Variants in RIPOR1 observed in about 807,000 individuals in gnomAD.
The protein encoded by RIPOR1 is RHO family interacting cell polarization regulator 1, also known as rho family-interacting cell polarization regulator 1.
RIPOR1 carries 58 observed loss-of-function variants against 116.5 expected under a neutral mutation model. The observed-to-expected ratio is 0.50, with a 90% CI of 0.40 to 0.62. The LOEUF (loss-of-function observed/expected upper bound fraction) is 0.62. Among genes scored for constraint, RIPOR1 ranks in the 20% least tolerant of loss-of-function variants. The pLI, the probability that RIPOR1 is intolerant of heterozygous loss-of-function variation, is 0.00. For synonymous variants in RIPOR1, 605 were observed against 650.0 expected (o/e 0.93, Z 1.05); for missense variants, 1,372 against 1,586.2 (o/e 0.86, Z 2.29).
Position 67,531,210 on chromosome 16 carries a change from T to C in RIPOR1, c.-24+2296T>C, listed in dbSNP as rs2050651968. On this transcript the variant is annotated intron_variant, in intron 1 of 21. Coordinates refer to ENST00000042381, the MANE Select transcript of RIPOR1 (RefSeq NM_024519.4). This position sits in a 1 kb window ranked among gnomAD's most constrained non-coding sequence, Gnocchi z 4.2. Reference sequence around the variant, plus strand: ...AGCCAGTGGGAAGGGAGAGGGAGGATTGCATGTCGGGTAGGGGAGTTGGGG... The same window carrying C: ...AGCCAGTGGGAAGGGAGAGGGAGGACTGCATGTCGGGTAGGGGAGTTGGGG... Among the ~76,000 whole-genome samples the C allele has an allele frequency of 6.6e-6, 1 of 151,736 alleles. No individual in the cohort carries two copies. Among genetic ancestry groups the C allele is most frequent in the South Asian group, 2.1e-4 (1 of 4,814 alleles).
In RIPOR1 at chr16:67,528,851, C is replaced by T; in HGVS notation, c.-87C>T. On this transcript the variant is annotated 5_prime_UTR_variant, in exon 1 of 22. Transcript: ENST00000042381. ...GGCGGCGACAGCGGCAGCTGCGGCGCGACCAGGCCGGGCACCTCCGAGCGC... is the reference window on the plus strand; with the variant it reads ...GGCGGCGACAGCGGCAGCTGCGGCGTGACCAGGCCGGGCACCTCCGAGCGC... 6.2e-6 allele frequency: 1 copy of T among 161,816 alleles called. No individual in the cohort carries two copies. Among genetic ancestry groups the T allele is most frequent in the Non-Finnish European group, 1.3e-5 (1 of 74,490 alleles). The allele number at this position is 161,816 out of a possible 1,614,324, so 10.0% of individuals were successfully genotyped here.
At chr16:67,526,993 C>T (rs2050545175), upstream of RIPOR1, among the ~76,000 whole-genome samples, 1 of 152,164 alleles carries the variant, frequency 6.6e-6, no homozygotes, top group South Asian at 2.1e-4. Flanking sequence ...CAGGAGAGGG[C>T]TCTGGGCACA....
chr16:67,545,006 T>A lies in RIPOR1; in HGVS notation c.2920T>A (p.Cys974Ser). Residue 974 changes from cysteine to serine, a missense_variant, in exon 17 of 22, where the codon TGC (cysteine) becomes AGC (serine). Cys to Ser is a moderately radical substitution (Grantham distance 112, BLOSUM62 -1). Coordinates refer to ENST00000042381, the MANE Select transcript of RIPOR1 (RefSeq NM_024519.4). The surrounding 1 kb of genome is among the most constrained non-coding windows in gnomAD (Gnocchi z 4.8). The part of the protein sequence containing the change: ...RPGFLTFWDQ[C>S]TERLSCFLCP... Reference sequence around the variant, plus strand: ...TGGCTTCCTGACCTTCTGGGACCAGTGCACAGAGAGACTCAGCTGCTTCCT... The same window carrying A: ...TGGCTTCCTGACCTTCTGGGACCAGAGCACAGAGAGACTCAGCTGCTTCCT... 6.2e-7 allele frequency: 1 copy of A among 1,613,588 alleles called. No homozygotes were observed. The highest frequency in any genetic ancestry group is 8.5e-7 in the Non-Finnish European group (1 of 1,180,020).
Position 67,545,522 on chromosome 16 carries a change from A to T in RIPOR1, c.3178A>T (p.Thr1060Ser). Reference sequence around the variant, plus strand: ...CACCATGGAGGCCTACGTGACTGAGACCGCTGAGGAGGGTGAGGCGGTGGC... The same window carrying T: ...CACCATGGAGGCCTACGTGACTGAGTCCGCTGAGGAGGGTGAGGCGGTGGC... ...SPTMEAYVTETAEEVLLVRNL... is the reference protein window; with the variant it reads ...SPTMEAYVTESAEEVLLVRNL... The change falls in exon 18 of 22, where the codon ACC becomes TCC. Residue 1060 changes from threonine to serine, a missense_variant. Coordinates refer to ENST00000042381, the MANE Select transcript of RIPOR1 (RefSeq NM_024519.4). This position sits in a 1 kb window ranked among gnomAD's most constrained non-coding sequence, Gnocchi z 4.8. 1 of 1,614,002 alleles carries T rather than the reference A, an allele frequency of 6.2e-7. No homozygotes were observed. Among genetic ancestry groups the T allele is most frequent in the East Asian group, 2.2e-5 (1 of 44,870 alleles).
At position 67,541,710 on chromosome 16, in the gene RIPOR1, A is replaced by G. The variant is rs1176143833; in HGVS notation, c.1008A>G (p.Thr336=). The G allele has an allele frequency of 6.2e-7, 1 of 1,613,834 alleles. No individual in the cohort carries two copies. The highest frequency in any genetic ancestry group is 8.5e-7 in the Non-Finnish European group (1 of 1,179,948). Reference sequence around the variant, plus strand: ...CTTCTTCTGTCAACAAGGCCTCCACAGTCACCAAGCGCTTCTCCACCTATA... The same window carrying G: ...CTTCTTCTGTCAACAAGGCCTCCACGGTCACCAAGCGCTTCTCCACCTATA... ...SAASSVNKAS[T]VTKRFSTYSQ... Residue 336 remains threonine (T), a synonymous_variant, in exon 12 of 22, where the codon ACA becomes ACG. Coordinates refer to ENST00000042381, the MANE Select transcript of RIPOR1 (RefSeq NM_024519.4). The surrounding 1 kb of genome is among the most constrained non-coding windows in gnomAD (Gnocchi z 4.6).
rs1353937893 is a variant in RIPOR1, at chr16:67,538,527, C to T, written c.81C>T (p.Leu27=). The change falls in exon 2 of 22, where the codon CTC becomes CTT. Residue 27 remains leucine, a synonymous_variant. Coordinates refer to ENST00000042381, the MANE Select transcript of RIPOR1 (RefSeq NM_024519.4). ...VNRSQSFAGV[L]GSHERGPRSF... is the part of the protein sequence containing the mutation. ...GGAGCCAGTCCTTCGCAGGCGTCCTCGGCAGCCACGAGCGGGGGCCCAGGT... is the reference window on the plus strand; with the variant it reads ...GGAGCCAGTCCTTCGCAGGCGTCCTTGGCAGCCACGAGCGGGGGCCCAGGT... 1 of 1,611,958 alleles carries T rather than the reference C, an allele frequency of 6.2e-7. No individual in the cohort carries two copies.
chr16:67,544,492 C>T lies in RIPOR1; in HGVS notation c.2733+61C>T. ...AACCCCTAACCCCAGGGAGTCCTGC[C>T]CTTCCATCCTGGTCCTCTATACCTC... On this transcript the variant is annotated intron_variant, in intron 15 of 21. Transcript: ENST00000042381. This position sits in a 1 kb window ranked among gnomAD's most constrained non-coding sequence, Gnocchi z 5.1. 1 of 1,565,332 alleles carries T rather than the reference C, an allele frequency of 6.4e-7. No homozygotes were observed. Among genetic ancestry groups the T allele is most frequent in the Middle Eastern group, 1.7e-4 (1 of 5,792 alleles).
rs534726651 is a variant in RIPOR1 at position 67,529,378 on chromosome 16, T to G, written c.-24+464T>G. ...ATCCTCCTAGCTCTAGGGGCCGGCC[T>G]AAGCGGCTTTGTGGCCGGCCCCGAG... is the stretch of plus-strand genomic sequence containing the variant. On this transcript the variant is annotated intron_variant, in intron 1 of 21. Transcript: ENST00000042381. This position sits in a 1 kb window ranked among gnomAD's most constrained non-coding sequence, Gnocchi z 4.1. 5.6e-6 allele frequency: 1 copy of G among 177,970 alleles called. No individual in the cohort carries two copies. The highest frequency in any genetic ancestry group is 1.3e-4 in the South Asian group (1 of 7,482). The allele number at this position is 177,970 out of a possible 1,614,324, so 11.0% of individuals were successfully genotyped here.
chr16:67,537,630 G>A lies in RIPOR1; in HGVS notation c.-23-794G>A. The A allele has an allele frequency of 7.3e-7, 1 of 1,365,644 alleles. No individual in the cohort carries two copies. Among genetic ancestry groups the A allele is most frequent in the Non-Finnish European group, 9.6e-7 (1 of 1,046,648 alleles). The allele number at this position is 1,365,644 out of a possible 1,614,324, so 84.6% of individuals were successfully genotyped here. ...CCAGCTCGGGGCTGCGAAAGCTCAG[G>A]GACTGGCCCCAGGGGAAGCAGGCCG... On this transcript the variant is annotated intron_variant, in intron 1 of 21. Transcript: ENST00000042381. This position sits in a 1 kb window ranked among gnomAD's most constrained non-coding sequence, Gnocchi z 4.6.
intron 20 of RIPOR1, 49 bp downstream of exon 20, chr16:67,546,081 A>G (rs1396729850): frequency 5.3e-5 from 41 of 775,598 alleles, no homozygotes; most frequent in Non-Finnish European, 6.9e-5. Context: ...CGGCACCCCC[A>G]CCCCTGAAAC....
chr16:67,543,360 C>G lies in RIPOR1; in HGVS notation c.2491C>G (p.Leu831Val), dbSNP rs752708266. Residue 831 changes from leucine (L) to valine (V), a missense_variant, in exon 14 of 22, where the codon CTG (leucine) becomes GTG (valine). By Grantham distance (32) the Leu-to-Val change is conservative. Transcript: ENST00000042381. The surrounding 1 kb of genome is among the most constrained non-coding windows in gnomAD (Gnocchi z 4.7). ...LESLLMQRQG[L>V]TRSRASSLSI... ...TTCACAACCTCAGCAGAGACAAGGT[C>G]TGACTCGCAGCCGGGCCTCCAGTCT... The G allele has an allele frequency of 6.2e-6, 10 of 1,606,376 alleles. No homozygotes were observed. Among genetic ancestry groups the G allele is most frequent in the South Asian group, 1.1e-5 (1 of 89,612 alleles).
chr16:67,522,577 T>G (rs1261799780), intron 1 of RIPOR1, among the ~76,000 whole-genome samples: 2 of 151,996 alleles, frequency 1.3e-5, no homozygotes, highest in African/African-American at 2.4e-5. Flanking sequence ...CCTCATGATC[T>G]GCCCGCCTCA....
chr16:67,530,183 G>A lies in RIPOR1; in HGVS notation c.-24+1269G>A, dbSNP rs1324769835. The A allele has an allele frequency of 8.6e-6, 3 of 347,280 alleles. No homozygotes were observed. Among genetic ancestry groups the A allele is most frequent in the Non-Finnish European group, 1.6e-5 (3 of 188,474 alleles). 21.5% of individuals were successfully genotyped at this position (347,280 alleles called of 1,614,324 possible). A position where few individuals can be genotyped will look rare whatever the true frequency, so the allele number is the denominator to read the frequency against. Reference sequence around the variant, plus strand: ...CTTGAGAGAAGCGGGCGGGGAGGGCGCGGGTGAGTCACGGCGGCCCCTCTG... The same window carrying A: ...CTTGAGAGAAGCGGGCGGGGAGGGCACGGGTGAGTCACGGCGGCCCCTCTG... On this transcript the variant is annotated intron_variant, in intron 1 of 21. Transcript: ENST00000042381. The surrounding 1 kb of genome is among the most constrained non-coding windows in gnomAD (Gnocchi z 4.5).
Position 67,540,668 on chromosome 16 carries a change from C to G in RIPOR1, c.765C>G (p.Ile255Met). Residue 255 changes from isoleucine to methionine, a missense_variant, in exon 10 of 22, where the codon ATC becomes ATG. Coordinates refer to ENST00000042381, the MANE Select transcript of RIPOR1 (RefSeq NM_024519.4). The surrounding 1 kb of genome is among the most constrained non-coding windows in gnomAD (Gnocchi z 4.7). The part of the protein sequence containing the change: ...GKQVWDSEET[I>M]FLPLLTEFLS... ...AGGTGTGGGACAGTGAAGAAACCAT[C>G]TTTCTCCCTCTACTCACGGAATTTC... 1.2e-6 allele frequency: 2 copies of G among 1,610,740 alleles called. No homozygotes were observed. Among genetic ancestry groups the G allele is most frequent in the Non-Finnish European group, 8.5e-7 (1 of 1,178,186 alleles).
In RIPOR1 at chr16:67,531,616, T is replaced by C; in HGVS notation, c.-24+2702T>C. ...GCGATGGGGGCTGCCGGTCAGATTCTGAAGAACCTTGCAGGTATTGAGAGA... is the reference window on the plus strand; with the variant it reads ...GCGATGGGGGCTGCCGGTCAGATTCCGAAGAACCTTGCAGGTATTGAGAGA... On this transcript the variant is annotated intron_variant, in intron 1 of 21. Transcript: ENST00000042381. This position sits in a 1 kb window ranked among gnomAD's most constrained non-coding sequence, Gnocchi z 4.2. 2.2e-6 allele frequency: 1 copy of C among 454,994 alleles called. No individual in the cohort carries two copies. Among genetic ancestry groups the C allele is most frequent in the Non-Finnish European group, 4.4e-6 (1 of 226,300 alleles). The allele number at this position is 454,994 out of a possible 1,614,324, so 28.2% of individuals were successfully genotyped here.
chr16:67,540,421 A>G lies in RIPOR1; in HGVS notation c.632-37A>G. 6.2e-7 allele frequency: 1 copy of G among 1,614,040 alleles called. No individual in the cohort carries two copies. ...AGGGAGTATGCTGAAGAACCCCAAT[A>G]TGGCTCACCGACTTCTCCCCTTCTC... On this transcript the variant is annotated intron_variant, in intron 8 of 21. Coordinates refer to ENST00000042381, the MANE Select transcript of RIPOR1 (RefSeq NM_024519.4). This position sits in a 1 kb window ranked among gnomAD's most constrained non-coding sequence, Gnocchi z 4.7.
rs1279682148 is a variant in RIPOR1 at position 67,537,334 on chromosome 16, A to T, written c.-23-1090A>T. On this transcript the variant is annotated intron_variant, in intron 1 of 21. Coordinates refer to ENST00000042381, the MANE Select transcript of RIPOR1 (RefSeq NM_024519.4). The surrounding 1 kb of genome is among the most constrained non-coding windows in gnomAD (Gnocchi z 4.6). ...TCCCTTTACGCACATTGCTGACCCCAGCTGAGCAGACCCCTCGCCCCCCGT... is the reference window on the plus strand; with the variant it reads ...TCCCTTTACGCACATTGCTGACCCCTGCTGAGCAGACCCCTCGCCCCCCGT... The T allele has an allele frequency of 2.5e-6, 3 of 1,197,660 alleles. No individual in the cohort carries two copies. The African/African-American group carries it at 4.7e-5, about 19-fold the overall frequency. 74.2% of individuals were successfully genotyped at this position (1,197,660 alleles called of 1,614,324 possible). A position where few individuals can be genotyped will look rare whatever the true frequency, so the allele number is the denominator to read the frequency against.
In RIPOR1 at chr16:67,541,250, TTTTG is replaced by T; in HGVS notation, c.802-179_802-176del. 1 of 584,648 alleles carries T rather than the reference TTTTG, an allele frequency of 1.7e-6. No individual in the cohort carries two copies. Among genetic ancestry groups the T allele is most frequent in the Non-Finnish European group, 2.9e-6 (1 of 347,594 alleles). The allele number at this position is 584,648 out of a possible 1,614,324, so 36.2% of individuals were successfully genotyped here. A position where few individuals can be genotyped will look rare whatever the true frequency, so the allele number is the denominator to read the frequency against. The stretch of plus-strand genomic sequence containing the variant: ...GGCTAAAAATTTTTTTTTTTTTTTT[TTTTG>T]AGACAGAGTCTTGCCATGTTGCCCA... On this transcript the variant is annotated intron_variant, in intron 10 of 21. Coordinates refer to ENST00000042381, the MANE Select transcript of RIPOR1 (RefSeq NM_024519.4). The surrounding 1 kb of genome is among the most constrained non-coding windows in gnomAD (Gnocchi z 4.6).
In RIPOR1 at chr16:67,541,783, G is replaced by A; in HGVS notation, c.1080+1G>A. 1 of 1,614,064 alleles carries A rather than the reference G, an allele frequency of 6.2e-7. No homozygotes were observed. The highest frequency in any genetic ancestry group is 8.5e-7 in the Non-Finnish European group (1 of 1,179,980). Reference sequence around the variant, plus strand: ...CTCACTTCGGGAACAGGCTTTCTATGTGAGTCATAGCCCAGGTCCAGGCCT... The same window carrying A: ...CTCACTTCGGGAACAGGCTTTCTATATGAGTCATAGCCCAGGTCCAGGCCT... On this transcript the variant is annotated splice_donor_variant, in intron 12 of 21. Coordinates refer to ENST00000042381, the MANE Select transcript of RIPOR1 (RefSeq NM_024519.4). LOFTEE classifies it high-confidence loss of function. The surrounding 1 kb of genome is among the most constrained non-coding windows in gnomAD (Gnocchi z 4.6).
Sources: allele counts gnomAD v4.1 joint callset (sites outside exome capture counted in the v4.1 genomes callset), GRCh38; gene constraint gnomAD v4.1.1; non-coding constraint Gnocchi (gnomAD v3.1); transcripts MANE v1.5; gene names NCBI Gene and HGNC (gene_info 2026-07-23, HGNC 2026-07-21).